PRKCZ: variants seen among roughly 807,000 people sequenced by gnomAD.
The protein encoded by PRKCZ is protein kinase C zeta.
A neutral mutation model predicts 79.5 loss-of-function variants in PRKCZ; 33 were observed. That is an observed-to-expected ratio of 0.41 (90% CI 0.31 to 0.55). The LOEUF is 0.55. Ranked by LOEUF, PRKCZ falls within the 20% of genes least tolerant of loss-of-function variation. The pLI, the probability that PRKCZ is intolerant of heterozygous loss-of-function variation, is 0.19. For missense variants in PRKCZ, 578 were observed against 813.5 expected, an observed-to-expected ratio of 0.71 and a Z score of 3.52; for synonymous variants, 342 against 320.9, an observed-to-expected ratio of 1.07 and a Z score of -0.70.
At chr1:2,054,701 G>C (rs535059506) in intron 1 of PRKCZ, among the ~76,000 whole-genome samples, 1 of 152,184 alleles carries the variant, frequency 6.6e-6, no homozygotes, top group South Asian at 2.1e-4. Flanking sequence ...TGGCACCGTC[G>C]AGGTCTGGGG....
chr1:2,147,752 T>G lies in PRKCZ; in HGVS notation c.635-1120T>G, dbSNP rs375918922. On this transcript the variant is annotated intron_variant, in intron 7 of 17. Coordinates refer to ENST00000378567, the MANE Select transcript of PRKCZ (RefSeq NM_002744.6). ...CTGACCTCTCCATCTATCCATCCAC[T>G]GTCCACTGACCTCTCCATCTATCCA... 1.3e-3 allele frequency among the ~76,000 whole-genome samples: 177 copies of G among 138,212 alleles called. 5 individuals carry two copies. The East Asian group carries it at 0.014, about 11-fold the overall frequency. 90.7% of individuals were successfully genotyped at this position (138,212 alleles called of 152,430 possible). A position where few individuals can be genotyped will look rare whatever the true frequency, so the allele number is the denominator to read the frequency against.
chr1:2,163,241 G>T (rs1682666344), intron 10 of PRKCZ, among the ~76,000 whole-genome samples: 1 of 152,270 alleles, frequency 6.6e-6, no homozygotes, highest in African/African-American at 2.4e-5. Flanking sequence ...GGCAGCATTT[G>T]CCCTGGCATG....
intron 4 of PRKCZ, among the ~76,000 whole-genome samples, chr1:2,106,714 C>T (rs1668567570): frequency 8.4e-6 from 1 of 119,288 alleles, no homozygotes; most frequent in Non-Finnish European, 1.8e-5. Context: ...GGGCGAGGAC[C>T]TCCATGCGTG....
chr1:2,078,621 C>T (rs1662879031), intron 4 of PRKCZ, among the ~76,000 whole-genome samples: 1 of 152,220 alleles, frequency 6.6e-6, no homozygotes, highest in African/African-American at 2.4e-5. Context: ...TTATTTATCA[C>T]ATGGCCGACT....
At position 2,081,374 on chromosome 1, in the gene PRKCZ, C is replaced by T. The variant is rs908195392; in HGVS notation, c.334+21783C>T. 1.1e-4 allele frequency among the ~76,000 whole-genome samples: 17 copies of T among 151,886 alleles called. 1 individual carries two copies. Among genetic ancestry groups the T allele is most frequent in the Admixed American group, 3.3e-4 (5 of 15,252 alleles). ...TGGGTGGGTTGGGGGTGGGTGCTGACGGGTCTCTGGCAGGAGGGGGCAGGC... is the reference window on the plus strand; with the variant it reads ...TGGGTGGGTTGGGGGTGGGTGCTGATGGGTCTCTGGCAGGAGGGGGCAGGC... On this transcript the variant is annotated intron_variant, in intron 4 of 17. Transcript: ENST00000378567.
At position 2,125,275 on chromosome 1, in the gene PRKCZ, C is replaced by T. The variant is rs1673650377; in HGVS notation, c.335-9987C>T. 6.6e-6 allele frequency among the ~76,000 whole-genome samples: 1 copy of T among 152,224 alleles called. No homozygotes were observed. Among genetic ancestry groups the T allele is most frequent in the Admixed American group, 6.5e-5 (1 of 15,276 alleles). On this transcript the variant is annotated intron_variant, in intron 4 of 17. Coordinates refer to ENST00000378567, the MANE Select transcript of PRKCZ (RefSeq NM_002744.6). The surrounding 1 kb of genome is among the most constrained non-coding windows in gnomAD (Gnocchi z 4.2). ...TGCTTGGAAGTTGGCGTACATCTTTCCACGGAAACTATGAAAATACTGGTC... is the reference window on the plus strand; with the variant it reads ...TGCTTGGAAGTTGGCGTACATCTTTTCACGGAAACTATGAAAATACTGGTC...
intron 11 of PRKCZ, chr1:2,171,752 C>T (rs999353781): frequency 2.7e-6 from 1 of 363,996 alleles, no homozygotes; most frequent in Non-Finnish European, 5.0e-6. Context: ...TGCCATGGCT[C>T]CGGTCTTTCC....
At chr1:2,112,739 G>A (rs1183992603) in intron 4 of PRKCZ, among the ~76,000 whole-genome samples, 2 of 151,722 alleles carry the variant, frequency 1.3e-5, no homozygotes, top group African/African-American at 4.8e-5. Context: ...GCCCAGGCTG[G>A]AGTGCAGTGG....
At position 2,144,419 on chromosome 1, in the gene PRKCZ, C is replaced by T; in HGVS notation, c.552+78C>T. ...GCAGCCAGCCCATTGTCCAAGCAGA[C>T]CTTGGTGACCCTGGGTTCTTCAAGA... On this transcript the variant is annotated intron_variant, in intron 6 of 17. Transcript: ENST00000378567. 7 of 1,521,722 alleles carry T rather than the reference C, an allele frequency of 4.6e-6. No individual in the cohort carries two copies. In the South Asian group the frequency reaches 8.7e-5, roughly 19 times the overall value. The allele number at this position is 1,521,722 out of a possible 1,614,324, so 94.3% of individuals were successfully genotyped here.
chr1:2,059,617 G>T, intron 4 of PRKCZ, 26 bp downstream of exon 4: 1 of 1,613,464 alleles, frequency 6.2e-7, no homozygotes, highest in Non-Finnish European at 8.5e-7. Flanking sequence ...TCCTACGCCG[G>T]TCTCGCATGT....
intron 4 of PRKCZ, among the ~76,000 whole-genome samples, chr1:2,088,287 A>C (rs985550278): frequency 2.0e-5 from 3 of 151,868 alleles, no homozygotes; most frequent in African/African-American, 7.3e-5. Context: ...CCTTGCCTGG[A>C]TGGTGCGCCC....
intron 10 of PRKCZ, among the ~76,000 whole-genome samples, chr1:2,159,931 C>T (rs1226765953): frequency 4.6e-5 from 7 of 152,178 alleles, no homozygotes; most frequent in Non-Finnish European, 8.8e-5. Context: ...CAGCGTCCCC[C>T]GCCCCATTCA....
chr1:2,104,873 G>T (rs1401082265), intron 4 of PRKCZ: 1 of 985,534 alleles, frequency 1.0e-6, no homozygotes, highest in Non-Finnish European at 1.2e-6. Context: ...GCTGTCTTCA[G>T]AGAGAGAAGA....
chr1:2,079,792 C>T (rs563745429), intron 4 of PRKCZ, among the ~76,000 whole-genome samples: 16 of 152,240 alleles, frequency 1.1e-4, no homozygotes, highest in Non-Finnish European at 2.4e-4. Flanking sequence ...TTTGCGGCTT[C>T]CTGGGCCCCT....
At chr1:2,176,300 C>T (rs1319219235) in intron 16 of PRKCZ, among the ~76,000 whole-genome samples, 6 of 152,136 alleles carry the variant, frequency 3.9e-5, no homozygotes, top group Non-Finnish European at 2.9e-5. Context: ...TGTAGGCTGG[C>T]GTGTGTCTGT....
Position 2,082,681 on chromosome 1 carries a change from G to A in PRKCZ, c.334+23090G>A, listed in dbSNP as rs905799498. ...GGGCGTACACGGTCGGCTTCTGAGA[G>A]TTGGTCCCCCCGCCCAACCCTCCCC... On this transcript the variant is annotated intron_variant, in intron 4 of 17. Coordinates refer to ENST00000378567, the MANE Select transcript of PRKCZ (RefSeq NM_002744.6). The surrounding 1 kb of genome is among the most constrained non-coding windows in gnomAD (Gnocchi z 4.4). 1.3e-5 allele frequency among the ~76,000 whole-genome samples: 2 copies of A among 152,198 alleles called. No homozygotes were observed. Among genetic ancestry groups the A allele is most frequent in the Non-Finnish European group, 2.9e-5 (2 of 68,044 alleles).
At chr1:2,144,814 C>A in intron 6 of PRKCZ, 1 of 211,840 alleles carries the variant, frequency 4.7e-6, no homozygotes, top group Non-Finnish European at 8.4e-6. Context: ...AGTGCTTGGA[C>A]TTGAAGCATC....
intron 4 of PRKCZ, among the ~76,000 whole-genome samples, chr1:2,071,837 A>T (rs1288573887): frequency 6.6e-6 from 1 of 152,208 alleles, no homozygotes; most frequent in Admixed American, 6.5e-5. Flanking sequence ...GGGGTCTGCG[A>T]GCTGCTTCTG....
At chr1:2,077,734 T>C (rs529960078) in intron 4 of PRKCZ, among the ~76,000 whole-genome samples, 11 of 152,366 alleles carry the variant, frequency 7.2e-5, no homozygotes, top group Non-Finnish European at 1.5e-5. Flanking sequence ...TTGACATTTA[T>C]TTCCAGATTT....
Sources: allele counts gnomAD v4.1 joint callset (sites outside exome capture counted in the v4.1 genomes callset), GRCh38; gene constraint gnomAD v4.1.1; non-coding constraint Gnocchi (gnomAD v3.1); transcripts MANE v1.5; gene names NCBI Gene and HGNC (gene_info 2026-07-23, HGNC 2026-07-21).